The following MAST4 variants were observed in gnomAD, a reference collection of about 807,000 sequenced individuals.
MAST4 encodes microtubule associated serine/threonine kinase family member 4, also known as microtubule-associated serine/threonine-protein kinase 4.
MAST4 carries 89 observed loss-of-function variants against 162.7 expected under a neutral mutation model. The ratio of observed to expected loss-of-function variants is 0.55; its 90% CI spans 0.46 to 0.65. MAST4 has a LOEUF of 0.65. Ranked by LOEUF, MAST4 falls within the 30% of genes least tolerant of loss-of-function variation. The pLI, the probability that MAST4 is intolerant of heterozygous loss-of-function variation, is 0.00. For synonymous variants in MAST4, 1,479 were observed against 1,361.1 expected, an observed-to-expected ratio of 1.09 and a Z score of -1.91; for missense variants, 3,153 against 3,374.0, an observed-to-expected ratio of 0.93 and a Z score of 1.62.
In MAST4 at chr5:67,163,721, C is replaced by A; in HGVS notation, c.4542C>A (p.Val1514=). The change falls in exon 29 of 29, where the codon GTC becomes GTA. Residue 1514 remains valine (V), a synonymous_variant. Transcript: ENST00000403625. The surrounding 1 kb of genome is among the most constrained non-coding windows in gnomAD (Gnocchi z 7.0). The part of the protein sequence containing the change: ...PVEQGCLKRP[V]SRKVGRQESV... Reference sequence around the variant, plus strand: ...AGCAAGGCTGCCTGAAACGCCCAGTCTCCCGGAAGGTGGGCCGCCAGGAGT... The same window carrying A: ...AGCAAGGCTGCCTGAAACGCCCAGTATCCCGGAAGGTGGGCCGCCAGGAGT... The A allele has an allele frequency of 1.2e-6, 2 of 1,608,772 alleles. No individual in the cohort carries two copies. The highest frequency in any genetic ancestry group is 1.7e-6 in the Non-Finnish European group (2 of 1,177,966).
intron 4 of MAST4, among the ~76,000 whole-genome samples, chr5:66,965,225 C>CTTTTTTTTTT (rs1187971815): frequency 1.3e-4 from 11 of 84,894 alleles, no homozygotes; most frequent in Non-Finnish European, 1.4e-4. Context: ...TTTTTTTTTG[C>CTTTTTTTTTT]TTTTTTTTTT....
chr5:66,844,295 T>C (rs1338552972), intron 3 of MAST4, among the ~76,000 whole-genome samples: 1 of 152,076 alleles, frequency 6.6e-6, no homozygotes, highest in Admixed American at 6.5e-5. Context: ...CCTTTTCAGC[T>C]TTGAAATGCA....
chr5:66,750,899 T>G (rs1011687509), intron 1 of MAST4, among the ~76,000 whole-genome samples: 4 of 152,224 alleles, frequency 2.6e-5, no homozygotes, highest in African/African-American at 9.6e-5. Flanking sequence ...TGTCTCTGTC[T>G]GACAGCTTTG....
At chr5:66,687,587 T>C (rs1748757791) in intron 1 of MAST4, among the ~76,000 whole-genome samples, 1 of 148,910 alleles carries the variant, frequency 6.7e-6, no homozygotes, top group African/African-American at 2.6e-5. Context: ...TATGTGTATA[T>C]ATATACATAC....
intron 3 of MAST4, among the ~76,000 whole-genome samples, chr5:66,894,805 G>A (rs1333840870): frequency 1.3e-5 from 2 of 152,180 alleles, no homozygotes; most frequent in African/African-American, 2.4e-5. Context: ...TTGTTTTTTG[G>A]AGGAACTCCC....
At chr5:66,857,645 G>GT (rs1370591762) in intron 3 of MAST4, among the ~76,000 whole-genome samples, 2 of 152,094 alleles carry the variant, frequency 1.3e-5, no homozygotes, top group African/African-American at 4.8e-5. Context: ...AAGAGGTTGT[G>GT]TATCTTTTTA....
intron 23 of MAST4, among the ~76,000 whole-genome samples, chr5:67,146,047 G>A (rs1338159643): frequency 1.3e-5 from 2 of 152,204 alleles, no homozygotes; most frequent in Non-Finnish European, 2.9e-5. Flanking sequence ...GATAGTTTAC[G>A]TGCATATGAA....
At position 67,149,588 on chromosome 5, in the gene MAST4, A is replaced by G. The variant is rs1376684504; in HGVS notation, c.3294A>G (p.Gly1098=). Residue 1098 remains glycine (G), a splice_region_variant and synonymous_variant, in exon 24 of 29, where the codon GGA becomes GGG. Transcript: ENST00000403625. ...GTGCTCTTTCCCTCATGATCCCAGG[A>G]GGTAGAGAGATACTACTTGCATGAA... ...SASALSLMIP[G]DMFAVSPLGS... is the part of the protein sequence containing the mutation. 1 of 1,613,384 alleles carries G rather than the reference A, an allele frequency of 6.2e-7. No individual in the cohort carries two copies. The highest frequency in any genetic ancestry group is 8.5e-7 in the Non-Finnish European group (1 of 1,179,652).
At chr5:66,867,604 A>G (rs1009662322) in intron 3 of MAST4, among the ~76,000 whole-genome samples, 1 of 152,222 alleles carries the variant, frequency 6.6e-6, no homozygotes, top group Non-Finnish European at 1.5e-5. Context: ...AGTCTCTAAG[A>G]GTTTATTTAC....
intron 4 of MAST4, among the ~76,000 whole-genome samples, chr5:66,993,271 G>A (rs1475217099): frequency 6.6e-6 from 1 of 152,170 alleles, no homozygotes; most frequent in Non-Finnish European, 1.5e-5. Flanking sequence ...GTAGAAGTTG[G>A]AAAAATAGAA....
rs915825038 is a variant in MAST4, at chr5:66,939,218, A to T, written c.674+39236A>T. Among the ~76,000 whole-genome samples the T allele has an allele frequency of 2.6e-5, 4 of 152,194 alleles. No individual in the cohort carries two copies. The East Asian group carries it at 7.7e-4, about 29-fold the overall frequency. On this transcript the variant is annotated intron_variant, in intron 4 of 28. Transcript: ENST00000403625. ...AGAAACAAATAGAAAACTGAAAAGC[A>T]TAGTATCTGAAATTAAGAACTCTCT...
At chr5:66,969,991 T>G (rs1747231091) in intron 4 of MAST4, among the ~76,000 whole-genome samples, 2 of 152,186 alleles carry the variant, frequency 1.3e-5, no homozygotes, top group Non-Finnish European at 2.9e-5. Flanking sequence ...TCCTGGAATT[T>G]TATTTCTGAA....
intron 3 of MAST4, among the ~76,000 whole-genome samples, chr5:66,850,929 CTTT>C (rs59161379): frequency 1.5e-4 from 21 of 137,658 alleles, no homozygotes; most frequent in African/African-American, 3.0e-4. Context: ...CATTTTAAGC[CTTT>C]TTTTTTTTTT....
intron 2 of MAST4, among the ~76,000 whole-genome samples, chr5:66,764,548 A>G (rs1257917630): frequency 3.3e-5 from 5 of 152,148 alleles, no homozygotes; most frequent in Non-Finnish European, 4.4e-5. Flanking sequence ...AAAAGCTCCT[A>G]TTATATGGTA....
chr5:66,688,334 C>CAGTCATATCT (rs1748824961), intron 1 of MAST4, among the ~76,000 whole-genome samples: 1 of 152,184 alleles, frequency 6.6e-6, no homozygotes, highest in Admixed American at 6.5e-5. Flanking sequence ...AATGTCCTGG[C>CAGTCATATCT]AGTCATATCT....
chr5:66,926,197 T>C (rs868813654), intron 4 of MAST4, among the ~76,000 whole-genome samples: 107 of 152,226 alleles, frequency 7.0e-4, no homozygotes, highest in Middle Eastern at 3.4e-3. Flanking sequence ...TTATTGGTGG[T>C]GGAGATGGTG....
At chr5:66,651,785 T>G (rs1746237695) in intron 1 of MAST4, among the ~76,000 whole-genome samples, 1 of 152,122 alleles carries the variant, frequency 6.6e-6, no homozygotes, top group South Asian at 2.1e-4. Flanking sequence ...GGGGAAGACC[T>G]ACTTCCTAAC....
intron 3 of MAST4, among the ~76,000 whole-genome samples, chr5:66,895,424 C>G (rs1215099270): frequency 6.6e-6 from 1 of 152,088 alleles, no homozygotes; most frequent in Admixed American, 6.6e-5. Flanking sequence ...TAACCTTTTT[C>G]TTGCACCCAG....
chr5:66,708,106 A>G (rs567111433), intron 1 of MAST4, among the ~76,000 whole-genome samples: 3 of 152,318 alleles, frequency 2.0e-5, no homozygotes, highest in African/African-American at 4.8e-5. Context: ...AGTGTGCAAC[A>G]CCAACCTAGA....
Sources: gnomAD v4.1 joint callset for allele counts (sites outside exome capture counted in the v4.1 genomes callset) on GRCh38, gnomAD v4.1.1 for gene constraint, Gnocchi (gnomAD v3.1) non-coding constraint, MANE v1.5 for transcripts, NCBI Gene and HGNC (gene_info 2026-07-23, HGNC 2026-07-21) for gene names.